DMTN: variants seen among roughly 807,000 people sequenced by gnomAD.
The protein encoded by DMTN is dematin actin binding protein.
In DMTN, 27 loss-of-function variants were observed where a neutral mutation model predicts 59.4. The observed-to-expected ratio is 0.45, with a 90% CI of 0.33 to 0.63. The LOEUF is 0.63. DMTN is among the 20% of genes least tolerant of loss of function. DMTN has a pLI of 0.02. For missense variants in DMTN, 451 were observed against 528.9 expected (o/e 0.85, Z 1.45); for synonymous variants, 221 against 203.7 (o/e 1.08, Z -0.72).
chr8:22,070,139 C>T (rs1339073462), intron 7 of DMTN, 43 bp from the exon 8 acceptor site: 2 of 1,558,026 alleles, frequency 1.3e-6, no homozygotes, highest in Admixed American at 1.9e-5. Flanking sequence ...CCAAGTTGGC[C>T]TCGGGCAGGG....
rs774955425 is a variant in DMTN, at chr8:22,066,862, G to T, written c.-14G>T. 2.0e-5 allele frequency: 28 copies of T among 1,408,872 alleles called. No individual in the cohort carries two copies. Among genetic ancestry groups the T allele is most frequent in the Middle Eastern group, 2.6e-4 (1 of 3,892 alleles). 87.3% of individuals were successfully genotyped at this position (1,408,872 alleles called of 1,614,324 possible). ...GGGCTCTGCGAGTGACCCGGCGGGCGAGCTCCGTGCTGCATGGAACGGCTG... is the reference window on the plus strand; with the variant it reads ...GGGCTCTGCGAGTGACCCGGCGGGCTAGCTCCGTGCTGCATGGAACGGCTG... On this transcript the variant is annotated 5_prime_UTR_variant, in exon 2 of 16. Coordinates refer to ENST00000358242, the MANE Select transcript of DMTN (RefSeq NM_001387751.1).
intron 5 of DMTN, 115 bp from the exon 6 acceptor site, chr8:22,069,304 G>A (rs1296839734): frequency 6.1e-6 from 6 of 987,970 alleles, no homozygotes. Context: ...CCCTGGGTTT[G>A]GAGGGATGCA....
chr8:22,074,108 A>G (rs1286045768), intron 10 of DMTN, among the ~76,000 whole-genome samples: 1 of 152,216 alleles, frequency 6.6e-6, no homozygotes, highest in Non-Finnish European at 1.5e-5. Flanking sequence ...GAAAAAATCT[A>G]GTCTTGTCCT....
chr8:22,068,945 C>T (rs377453495), intron 4 of DMTN, 71 bp from the exon 5 acceptor site: 96 of 1,544,870 alleles, frequency 6.2e-5, no homozygotes, highest in Non-Finnish European at 8.4e-5. Flanking sequence ...GATGAGGTGG[C>T]CTCTCTGGAA....
upstream of DMTN, among the ~76,000 whole-genome samples, chr8:22,051,400 T>G (rs983422172): frequency 1.3e-5 from 2 of 152,160 alleles, no homozygotes; most frequent in African/African-American, 4.8e-5. Context: ...TGGTTCCACT[T>G]ACATCATTCT....
At chr8:22,079,642 T>C (rs1437559494) in intron 10 of DMTN, among the ~76,000 whole-genome samples, 7 of 151,846 alleles carry the variant, frequency 4.6e-5, no homozygotes, top group South Asian at 4.2e-4. Context: ...TATTTTTTAA[T>C]AGAGACAGGG....
intron 2 of DMTN, 82 bp downstream of exon 2, chr8:22,066,975 C>CCGCCGCGCAG (rs577714254): frequency 4.7e-4 from 578 of 1,241,378 alleles, no homozygotes; most frequent in African/African-American, 2.2e-3. Context: ...TGGTGGCCAC[C>CCGCCGCGCAG]CGCCGCGCAG....
chr8:22,082,504 A>G lies in DMTN; in HGVS notation c.*1041A>G, dbSNP rs908620297. The stretch of plus-strand genomic sequence containing the variant: ...GGGGAGGGGGACTCTGCTTGGAATT[A>G]AAAGGTTGCATTGGGTCCCTACATC... On this transcript the variant is annotated 3_prime_UTR_variant, in exon 16 of 16. Transcript: ENST00000358242. 1.3e-5 allele frequency: 4 copies of G among 300,326 alleles called. No individual in the cohort carries two copies. Among genetic ancestry groups the G allele is most frequent in the Non-Finnish European group, 2.6e-5 (4 of 151,710 alleles). The allele number at this position is 300,326 out of a possible 1,614,324, so 18.6% of individuals were successfully genotyped here.
chr8:22,053,502 C>G (rs1339734769), upstream of DMTN: 1 of 152,500 alleles, frequency 6.6e-6, no homozygotes, highest in East Asian at 1.9e-4. Flanking sequence ...AGATAGCTCC[C>G]CCGCCCAGCA....
In DMTN at chr8:22,072,372, A is replaced by AGAG; in HGVS notation, c.663_665dup (p.Glu222dup). ...AGGCGTCTCGGAGGGGAGCAGAGGAAGAGGAGGAGGAGGAAGATGACGACT... is the reference window on the plus strand; with the variant it reads ...AGGCGTCTCGGAGGGGAGCAGAGGAAGAGGAGGAGGAGGAGGAAGATGACGACT... On this transcript the variant is annotated inframe_insertion, in exon 9 of 16. Coordinates refer to ENST00000358242, the MANE Select transcript of DMTN (RefSeq NM_001387751.1). 1 of 1,603,788 alleles carries AGAG rather than the reference A, an allele frequency of 6.2e-7. No homozygotes were observed. The highest frequency in any genetic ancestry group is 1.3e-5 in the African/African-American group (1 of 74,766).
At chr8:22,064,239 G>C (rs10088810) in intron 1 of DMTN, among the ~76,000 whole-genome samples, 60,710 of 152,184 alleles carry the variant, frequency 0.4, 13,413 homozygotes, top group Non-Finnish European at 0.51. Flanking sequence ...TTTGCCCCTA[G>C]GCCTAAGCCA....
intron 15 of DMTN, 62 bp from the exon 16 acceptor site, chr8:22,081,288 C>G: frequency 6.3e-7 from 1 of 1,586,486 alleles, no homozygotes; most frequent in South Asian, 1.1e-5. Flanking sequence ...TGAGTGTCCC[C>G]TAGGTCACTG....
intron 10 of DMTN, among the ~76,000 whole-genome samples, chr8:22,075,263 ACTGG>A: frequency 6.7e-6 from 1 of 150,056 alleles, no homozygotes; most frequent in African/African-American, 2.4e-5. Context: ...AGAGCCAGTC[ACTGG>A]CCACCTAGAC....
Position 22,080,638 on chromosome 8 carries a change from T to C in DMTN, c.957+13T>C. 6.2e-7 allele frequency: 1 copy of C among 1,603,088 alleles called. No individual in the cohort carries two copies. Among genetic ancestry groups the C allele is most frequent in the Middle Eastern group, 1.7e-4 (1 of 5,726 alleles). The stretch of plus-strand genomic sequence containing the variant: ...CGCAGGCCTGCAGGTGAGTGCCTCC[T>C]GGAGGGGAACAGGCAGAGCAGCAGA... On this transcript the variant is annotated intron_variant, in intron 13 of 15. Transcript: ENST00000358242.
chr8:22,051,469 C>T (rs1271769792), upstream of DMTN, among the ~76,000 whole-genome samples: 1 of 152,182 alleles, frequency 6.6e-6, no homozygotes, highest in Non-Finnish European at 1.5e-5. Context: ...AGCCGAAAGC[C>T]TTGCCTCAGT....
At chr8:22,075,304 T>TCCTCCTCCTCCC (rs1554556444) in intron 10 of DMTN, among the ~76,000 whole-genome samples, 4 of 150,728 alleles carry the variant, frequency 2.7e-5, no homozygotes, top group Non-Finnish European at 5.9e-5. Context: ...TAGACCCTCC[T>TCCTCCTCCTCCC]CCTCCCCCTC....
chr8:22,081,209 G>T lies in DMTN; in HGVS notation c.1104+16G>T. The T allele has an allele frequency of 6.2e-7, 1 of 1,613,626 alleles. No individual in the cohort carries two copies. The highest frequency in any genetic ancestry group is 8.5e-7 in the Non-Finnish European group (1 of 1,179,874). On this transcript the variant is annotated intron_variant, in intron 15 of 15. Coordinates refer to ENST00000358242, the MANE Select transcript of DMTN (RefSeq NM_001387751.1). ...GCGGCTTGAGGTAGGCAAGGAAGATGCCCTGGATGGGTGCGGGGCTGTCCA... is the reference window on the plus strand; with the variant it reads ...GCGGCTTGAGGTAGGCAAGGAAGATTCCCTGGATGGGTGCGGGGCTGTCCA...
intron 10 of DMTN, among the ~76,000 whole-genome samples, chr8:22,076,618 CTATA>C (rs749317570): frequency 6.8e-6 from 1 of 147,822 alleles, no homozygotes; most frequent in African/African-American, 2.5e-5. Context: ...ATATATGTCA[CTATA>C]TATATATATA....
chr8:22,078,056 A>T (rs948231629), intron 10 of DMTN, among the ~76,000 whole-genome samples: 1 of 152,102 alleles, frequency 6.6e-6, no homozygotes, highest in African/African-American at 2.4e-5. Flanking sequence ...TCCAAGCAAC[A>T]GATTTCATAA....
Sources: allele counts gnomAD v4.1 joint callset (sites outside exome capture counted in the v4.1 genomes callset), GRCh38; gene constraint gnomAD v4.1.1; transcripts MANE v1.5; gene names NCBI Gene and HGNC (gene_info 2026-07-23, HGNC 2026-07-21).